Variants in COA1 observed in about 807,000 individuals in gnomAD.
COA1 encodes the protein cytochrome c oxidase assembly factor 1 homolog.
A neutral mutation model predicts 16.0 loss-of-function variants in COA1; 13 were observed. The observed-to-expected ratio is 0.81, with a 90% CI of 0.53 to 1.29. The LOEUF is 1.29. COA1 is among the 50% of genes most tolerant of loss of function. The probability of loss-of-function intolerance (pLI) is 0.00; values close to 1 mark genes in which losing one functional copy is unlikely to be tolerated. For synonymous variants in COA1, 65 were observed against 65.7 expected (o/e 0.99, Z 0.05); for missense variants, 179 against 177.0 (o/e 1.01, Z -0.06).
At chr7:43,633,958 T>C (rs113149456) in intron 6 of COA1, among the ~76,000 whole-genome samples, 165 of 152,316 alleles carry the variant, frequency 1.1e-3, no homozygotes, top group African/African-American at 3.5e-3. Context: ...AATTCAGTGA[T>C]TGTTTTCTCG....
chr7:43,632,565 A>G (rs1248493874), intron 6 of COA1: 2 of 152,264 alleles, frequency 1.3e-5, no homozygotes, highest in East Asian at 3.8e-4. Context: ...TTAAATAACA[A>G]GTTTTGAAAG....
At chr7:43,697,039 GC>G (rs2094550905) in intron 1 of COA1, among the ~76,000 whole-genome samples, 1 of 151,430 alleles carries the variant, frequency 6.6e-6, no homozygotes, top group Non-Finnish European at 1.5e-5. Flanking sequence ...CAGGAGAATC[GC>G]TTGAACCCAG....
chr7:43,706,678 G>A (rs1369998526), intron 1 of COA1, among the ~76,000 whole-genome samples: 1 of 152,054 alleles, frequency 6.6e-6, no homozygotes, highest in African/African-American at 2.4e-5. Flanking sequence ...AAATCAGCCT[G>A]GACAACATAG....
At chr7:43,637,353 A>G (rs17530742), downstream of COA1, among the ~76,000 whole-genome samples, 22,161 of 152,066 alleles carry the variant, frequency 0.15, 2,187 homozygotes, top group Non-Finnish European at 0.21. Flanking sequence ...TCACGCTACC[A>G]TTTGCTGGCT....
chr7:43,639,720 A>G (rs1584153488), intron 5 of COA1, 39 bp from the exon 6 acceptor site: 1 of 1,519,148 alleles, frequency 6.6e-7, no homozygotes, highest in Non-Finnish European at 9.1e-7. Context: ...TAATCTATGA[A>G]GGCTGAGGCA....
intron 6 of COA1, chr7:43,622,552 A>G (rs1250972834): frequency 6.9e-6 from 1 of 145,426 alleles, no homozygotes; most frequent in Non-Finnish European, 1.5e-5. Context: ...TATAGTTTTG[A>G]AAAAAAAAAT....
At chr7:43,700,340 T>C (rs767627576) in intron 1 of COA1, among the ~76,000 whole-genome samples, 2 of 152,014 alleles carry the variant, frequency 1.3e-5, no homozygotes, top group African/African-American at 4.8e-5. Context: ...TTTAAATCTG[T>C]ATATACATAA....
At chr7:43,710,078 G>A (rs957738785) in intron 1 of COA1, among the ~76,000 whole-genome samples, 82 of 152,040 alleles carry the variant, frequency 5.4e-4, no homozygotes, top group African/African-American at 1.8e-3. Context: ...TGCCAGATGC[G>A]GTGGCGCACA....
At chr7:43,617,527 C>T (rs1013688067) in intron 6 of COA1, among the ~76,000 whole-genome samples, 2 of 152,008 alleles carry the variant, frequency 1.3e-5, no homozygotes, top group African/African-American at 4.8e-5. Flanking sequence ...TTAGTGTTCT[C>T]TCCTATTCTG....
chr7:43,682,193 G>A (rs532419513), intron 1 of COA1, among the ~76,000 whole-genome samples: 30 of 152,228 alleles, frequency 2.0e-4, no homozygotes, highest in African/African-American at 6.7e-4. Flanking sequence ...CACTTCCCAC[G>A]TTAATCTCCT....
intron 4 of COA1, chr7:43,641,455 T>TC (rs1476063109): frequency 1.3e-5 from 2 of 151,964 alleles, no homozygotes; most frequent in Non-Finnish European, 2.9e-5. Context: ...CAGAGCAAAA[T>TC]CCAATTGTAG....
intron 1 of COA1, among the ~76,000 whole-genome samples, chr7:43,688,826 C>A (rs1045741982): frequency 6.6e-6 from 1 of 152,176 alleles, no homozygotes; most frequent in African/African-American, 2.4e-5. Context: ...TCAGTCCTTT[C>A]AATAATACTT....
chr7:43,669,259 G>C (rs964483916), intron 1 of COA1, among the ~76,000 whole-genome samples: 4 of 152,168 alleles, frequency 2.6e-5, no homozygotes, highest in Non-Finnish European at 5.9e-5. Context: ...GCTAGGAAAA[G>C]GGGTCCTTGG....
intron 6 of COA1, among the ~76,000 whole-genome samples, chr7:43,628,148 G>A (rs7790031): frequency 0.024 from 3,722 of 151,984 alleles, 141 homozygotes; most frequent in African/African-American, 0.086. Context: ...CACCACACCC[G>A]GCTAATTTTT....
At chr7:43,712,910 G>T (rs1201984801) in intron 1 of COA1, among the ~76,000 whole-genome samples, 1 of 151,452 alleles carries the variant, frequency 6.6e-6, no homozygotes, top group African/African-American at 2.4e-5. Flanking sequence ...ATATTTGAGG[G>T]GTACAATTTG....
chr7:43,658,117 T>C (rs929894875), intron 1 of COA1, among the ~76,000 whole-genome samples: 5 of 152,054 alleles, frequency 3.3e-5, no homozygotes, highest in African/African-American at 4.8e-5. Context: ...TGGCTCACGC[T>C]TGTAATCCCA....
downstream of COA1, among the ~76,000 whole-genome samples, chr7:43,634,573 G>A (rs911626468): frequency 3.3e-5 from 5 of 152,166 alleles, no homozygotes; most frequent in African/African-American, 9.7e-5. Context: ...ATCCTGCAGG[G>A]ATAGATGTCC....
chr7:43,628,303 T>C (rs1453730436), intron 6 of COA1, among the ~76,000 whole-genome samples: 1 of 147,398 alleles, frequency 6.8e-6, no homozygotes, highest in Non-Finnish European at 1.5e-5. Context: ...GGTTTGTTCC[T>C]TTTTATTGTT....
chr7:43,687,566 G>C (rs1584994103), intron 1 of COA1, among the ~76,000 whole-genome samples: 1 of 151,726 alleles, frequency 6.6e-6, no homozygotes, highest in Admixed American at 6.6e-5. Flanking sequence ...GATAAATAAA[G>C]CAAAAAAAGT....
Sources: allele counts gnomAD v4.1 joint callset (sites outside exome capture counted in the v4.1 genomes callset), GRCh38; gene constraint gnomAD v4.1.1; transcripts MANE v1.5; gene names NCBI Gene and HGNC (gene_info 2026-07-23, HGNC 2026-07-21).